KCNH8: variants seen among roughly 807,000 people sequenced by gnomAD.
KCNH8 encodes potassium voltage-gated channel subfamily H member 8.
Under a neutral mutation model 103.6 loss-of-function variants are expected in KCNH8, and 70 were observed. The observed-to-expected ratio is 0.68, with a 90% CI of 0.56 to 0.82. The LOEUF is 0.82. KCNH8 is among the 40% of genes least tolerant of loss of function. The pLI is 0.00. For missense variants in KCNH8, 1,217 were observed against 1,329.9 expected (o/e 0.92, Z 1.32); for synonymous variants, 498 against 489.4 (o/e 1.02, Z -0.23).
chr3:19,462,370 A>G (rs900603984), intron 11 of KCNH8, among the ~76,000 whole-genome samples: 2 of 151,902 alleles, frequency 1.3e-5, no homozygotes, highest in African/African-American at 4.8e-5. Context: ...TGTGGTTTTG[A>G]TTTGCTTTCT....
At chr3:19,245,737 G>A (rs190404871) in intron 1 of KCNH8, among the ~76,000 whole-genome samples, 2 of 152,142 alleles carry the variant, frequency 1.3e-5, no homozygotes, top group East Asian at 3.9e-4. Flanking sequence ...TGATTTGACT[G>A]TCAGCCTGGA....
intron 3 of KCNH8, among the ~76,000 whole-genome samples, chr3:19,300,118 A>G (rs1455720292): frequency 2.6e-5 from 4 of 151,974 alleles, no homozygotes; most frequent in Non-Finnish European, 5.9e-5. Context: ...GCATGGTGGC[A>G]TGTGCCTGTA....
At chr3:19,165,985 T>C (rs1444228082) in intron 1 of KCNH8, among the ~76,000 whole-genome samples, 1 of 152,216 alleles carries the variant, frequency 6.6e-6, no homozygotes, top group East Asian at 1.9e-4. Context: ...AAGACTTTGC[T>C]TGTGTCATGT....
chr3:19,359,340 T>TTA (rs942095514), intron 5 of KCNH8, among the ~76,000 whole-genome samples: 9 of 150,892 alleles, frequency 6.0e-5, no homozygotes, highest in Non-Finnish European at 1.0e-4. Context: ...ATATATGTAC[T>TTA]TATATATATA....
intron 1 of KCNH8, among the ~76,000 whole-genome samples, chr3:19,180,275 A>G (rs947496887): frequency 6.8e-6 from 1 of 147,538 alleles, no homozygotes; most frequent in African/African-American, 2.6e-5. Flanking sequence ...CAAAGGGCCA[A>G]GACAGACTTG....
At chr3:19,495,991 C>T (rs1456443257) in intron 11 of KCNH8, among the ~76,000 whole-genome samples, 1 of 150,982 alleles carries the variant, frequency 6.6e-6, no homozygotes, top group Non-Finnish European at 1.5e-5. Flanking sequence ...CTTGATTTGG[C>T]TCTTAGATTG....
intron 14 of KCNH8, 44 bp from the exon 15 acceptor site, chr3:19,517,954 G>T (rs914455870): frequency 2.7e-6 from 4 of 1,462,962 alleles, no homozygotes; most frequent in Non-Finnish European, 2.8e-6. Flanking sequence ...CAAATATAAG[G>T]TTTATTCCTA....
chr3:19,165,705 C>T (rs547056727), intron 1 of KCNH8, among the ~76,000 whole-genome samples: 34 of 152,290 alleles, frequency 2.2e-4, no homozygotes, highest in African/African-American at 7.9e-4. Flanking sequence ...ATAAAAACTA[C>T]AGACTTGTTT....
chr3:19,448,316 G>C (rs752023623), intron 8 of KCNH8, among the ~76,000 whole-genome samples: 1 of 151,982 alleles, frequency 6.6e-6, no homozygotes, highest in Non-Finnish European at 1.5e-5. Context: ...TTCAAATCCA[G>C]ATCTGTCTGA....
At chr3:19,356,610 C>T (rs1301086114) in intron 5 of KCNH8, among the ~76,000 whole-genome samples, 1 of 151,890 alleles carries the variant, frequency 6.6e-6, no homozygotes, top group Non-Finnish European at 1.5e-5. Flanking sequence ...AATTAAGCTG[C>T]TGATTCAAAG....
At chr3:19,174,460 A>G (rs749145037) in intron 1 of KCNH8, among the ~76,000 whole-genome samples, 1 of 152,220 alleles carries the variant, frequency 6.6e-6, no homozygotes, top group African/African-American at 2.4e-5. Context: ...GGAAAAATAA[A>G]TAGAATGGGG....
intron 5 of KCNH8, among the ~76,000 whole-genome samples, chr3:19,383,336 A>T (rs936944141): frequency 6.6e-6 from 1 of 152,132 alleles, no homozygotes; most frequent in African/African-American, 2.4e-5. Context: ...GACAAACATC[A>T]ATTATATTAA....
At chr3:19,374,756 C>T (rs1406636686) in intron 5 of KCNH8, among the ~76,000 whole-genome samples, 2 of 152,124 alleles carry the variant, frequency 1.3e-5, no homozygotes, top group Non-Finnish European at 2.9e-5. Context: ...TTGTTCCTTT[C>T]CATGTTTAGT....
At chr3:19,174,341 A>T (rs1268876045) in intron 1 of KCNH8, among the ~76,000 whole-genome samples, 1 of 152,198 alleles carries the variant, frequency 6.6e-6, no homozygotes, top group African/African-American at 2.4e-5. Flanking sequence ...TTTTTAAAAC[A>T]CAAATATGGC....
chr3:19,458,654 A>G (rs1441566956), intron 11 of KCNH8, among the ~76,000 whole-genome samples: 2 of 152,002 alleles, frequency 1.3e-5, no homozygotes, highest in Non-Finnish European at 2.9e-5. Flanking sequence ...ATACATCGTT[A>G]TTAACTAGAG....
chr3:19,468,793 G>A lies in KCNH8; in HGVS notation c.2040+11811G>A, dbSNP rs953627558. ...AAGCTGTGCTATATCCATGAGATTC[G>A]ACTTCATGATTCCTTCCTTAGATAA... On this transcript the variant is annotated intron_variant, in intron 11 of 15. Coordinates refer to ENST00000328405, the MANE Select transcript of KCNH8 (RefSeq NM_144633.3). Among the ~76,000 whole-genome samples the A allele has an allele frequency of 3.3e-5, 5 of 152,052 alleles. No individual in the cohort carries two copies. The East Asian group carries it at 7.7e-4, about 23-fold the overall frequency.
chr3:19,430,938 A>T (rs562320398), intron 7 of KCNH8, among the ~76,000 whole-genome samples: 1 of 152,198 alleles, frequency 6.6e-6, no homozygotes, highest in Non-Finnish European at 1.5e-5. Flanking sequence ...AAACACAGAC[A>T]GTTTGACTTC....
At chr3:19,419,105 C>G (rs1406687571) in intron 7 of KCNH8, among the ~76,000 whole-genome samples, 2 of 151,492 alleles carry the variant, frequency 1.3e-5, no homozygotes, top group African/African-American at 4.9e-5. Context: ...CTCTTCTCTC[C>G]TTTCTCATCA....
intron 2 of KCNH8, among the ~76,000 whole-genome samples, chr3:19,255,109 C>T (rs145434609): frequency 6.6e-6 from 1 of 152,144 alleles, no homozygotes; most frequent in East Asian, 1.9e-4. Context: ...GCAGAAGAGG[C>T]ACTGAGGGTG....
Sources: gnomAD v4.1 joint callset for allele counts (sites outside exome capture counted in the v4.1 genomes callset) on GRCh38, gnomAD v4.1.1 for gene constraint, MANE v1.5 for transcripts, NCBI Gene and HGNC (gene_info 2026-07-23, HGNC 2026-07-21) for gene names.